MYBPC1: variants seen among roughly 807,000 people sequenced by gnomAD.
MYBPC1 encodes the protein myosin binding protein C1, also known as myosin-binding protein C, slow-type.
A neutral mutation model predicts 147.1 loss-of-function variants in MYBPC1; 52 were observed. That is an observed-to-expected ratio of 0.35 (90% CI 0.28 to 0.45). The LOEUF (loss-of-function observed/expected upper bound fraction) is 0.45. Among genes scored for constraint, MYBPC1 ranks in the 20% least tolerant of loss-of-function variants. MYBPC1 has a pLI of 1.00. For missense variants in MYBPC1, 1,228 were observed against 1,440.3 expected, an observed-to-expected ratio of 0.85 and a Z score of 2.39; for synonymous variants, 477 against 475.9, an observed-to-expected ratio of 1.00 and a Z score of -0.03.
intron 23 of MYBPC1, among the ~76,000 whole-genome samples, chr12:101,668,152 C>CTG (rs1897845334): frequency 6.6e-6 from 1 of 152,182 alleles, no homozygotes; most frequent in African/African-American, 2.4e-5. Context: ...GGAGCCAACT[C>CTG]TGGCTGGGCT....
At chr12:101,627,842 C>T (rs374490121) in intron 5 of MYBPC1, 38 bp downstream of exon 5, 63 of 1,585,878 alleles carry the variant, frequency 4.0e-5, no homozygotes, top group Non-Finnish European at 5.1e-5. Context: ...TGACCTCATC[C>T]TAATACAATC....
intron 18 of MYBPC1, among the ~76,000 whole-genome samples, chr12:101,658,910 T>C (rs1896054084): frequency 6.6e-6 from 1 of 152,188 alleles, no homozygotes; most frequent in Non-Finnish European, 1.5e-5. Context: ...GTTTCTAAAT[T>C]ACTTTGACCT....
intron 1 of MYBPC1, among the ~76,000 whole-genome samples, chr12:101,596,397 G>A (rs1331702948): frequency 1.3e-5 from 2 of 152,204 alleles, no homozygotes; most frequent in Non-Finnish European, 2.9e-5. Context: ...TATTTGTAAT[G>A]CAAATGATTT....
chr12:101,640,438 C>G (rs990086796), intron 10 of MYBPC1, among the ~76,000 whole-genome samples: 2 of 152,138 alleles, frequency 1.3e-5, no homozygotes, highest in Non-Finnish European at 2.9e-5. Flanking sequence ...ACCAATATTC[C>G]AATTTCAGGA....
rs375856378 is a variant in MYBPC1, at chr12:101,680,452, A to G, written c.3356A>G (p.Tyr1119Cys). 58 of 1,614,002 alleles carry G rather than the reference A, an allele frequency of 3.6e-5. No individual in the cohort carries two copies. The highest frequency in any genetic ancestry group is 4.4e-5 in the Non-Finnish European group (52 of 1,179,980). ...CTGGAAATTCGCAAGCCCAGCCCCTATGATGGAGGCACTTACTGCTGCAAA... is the reference window on the plus strand; with the variant it reads ...CTGGAAATTCGCAAGCCCAGCCCCTGTGATGGAGGCACTTACTGCTGCAAA... ...CTLEIRKPSP[Y>C]DGGTYCCKAV... Residue 1119 changes from tyrosine to cysteine, a missense_variant, in exon 29 of 32, where the codon TAT becomes TGT. Coordinates refer to ENST00000361466, the MANE Select transcript of MYBPC1 (RefSeq NM_002465.4).
At chr12:101,595,171 A>T (rs957567745) in intron 1 of MYBPC1, 76 bp downstream of exon 1, 98 of 1,262,894 alleles carry the variant, frequency 7.8e-5, no homozygotes, top group Non-Finnish European at 1.1e-4. Context: ...TCAAACAAAT[A>T]ACAAATATCT....
chr12:101,668,134 T>A (rs181288232), intron 23 of MYBPC1, among the ~76,000 whole-genome samples: 59 of 152,304 alleles, frequency 3.9e-4, no homozygotes. Flanking sequence ...TAACCTCTCC[T>A]GGTTCCAGGA....
chr12:101,616,347 C>T (rs1240912136), intron 2 of MYBPC1, among the ~76,000 whole-genome samples: 1 of 152,134 alleles, frequency 6.6e-6, no homozygotes, highest in Non-Finnish European at 1.5e-5. Context: ...AAACCTTTCC[C>T]TTCTGTTTTT....
At chr12:101,643,806 T>C (rs1050422328) in intron 11 of MYBPC1, among the ~76,000 whole-genome samples, 1 of 152,168 alleles carries the variant, frequency 6.6e-6, no homozygotes, top group African/African-American at 2.4e-5. Context: ...CCTAAACGTA[T>C]GTGCAAGGGG....
chr12:101,634,480 C>T (rs931043691), intron 8 of MYBPC1, 74 bp from the exon 9 acceptor site: 1 of 1,215,406 alleles, frequency 8.2e-7, no homozygotes, highest in Admixed American at 1.7e-5. Context: ...AGAATCCCCA[C>T]AGCCTATAAA....
chr12:101,687,790 C>A (rs1275215676), downstream of MYBPC1, among the ~76,000 whole-genome samples: 6 of 152,200 alleles, frequency 3.9e-5, no homozygotes. Flanking sequence ...GCTAGTTAGG[C>A]TGCTTATACG....
At chr12:101,628,485 T>C (rs1889136822) in intron 5 of MYBPC1, among the ~76,000 whole-genome samples, 2 of 152,170 alleles carry the variant, frequency 1.3e-5, no homozygotes, top group South Asian at 4.1e-4. Context: ...CTACTACAGA[T>C]AGAAATATCA....
At chr12:101,667,613 C>T (rs1004929449) in intron 22 of MYBPC1, 119 bp from the exon 23 acceptor site, 1 of 1,188,686 alleles carries the variant, frequency 8.4e-7, no homozygotes, top group Non-Finnish European at 1.2e-6. Context: ...GTCATAATGT[C>T]TCTAAATGAT....
At chr12:101,659,613 T>TCTA in intron 18 of MYBPC1, 59 bp from the exon 19 acceptor site, 1 of 1,586,130 alleles carries the variant, frequency 6.3e-7, no homozygotes, top group Non-Finnish European at 8.7e-7. Context: ...TATAGGAGAC[T>TCTA]CTGAAGTAGC....
chr12:101,635,688 T>G (rs978276020), intron 9 of MYBPC1, among the ~76,000 whole-genome samples: 1 of 152,184 alleles, frequency 6.6e-6, no homozygotes, highest in Non-Finnish European at 1.5e-5. Context: ...GAAATGTATT[T>G]ACTTCAAAAG....
rs116571127 is a variant in MYBPC1, at chr12:101,603,674, G to A, written c.25+8579G>A. On this transcript the variant is annotated intron_variant, in intron 1 of 31. Coordinates refer to ENST00000361466, the MANE Select transcript of MYBPC1 (RefSeq NM_002465.4). The stretch of plus-strand genomic sequence containing the variant: ...AAGTGATACAAGATCAGGTACAATG[G>A]CTCATGCCTGTAATCCCAGCATTTT... Among the ~76,000 whole-genome samples the A allele has an allele frequency of 6.1e-3, 928 of 152,294 alleles. 13 individuals are homozygous for A. The highest frequency in any genetic ancestry group is 0.021 in the African/African-American group (866 of 41,546).
rs985871322 is a variant in MYBPC1, at chr12:101,614,422, G to T, written c.26-74G>T. 1.1e-5 allele frequency: 17 copies of T among 1,562,942 alleles called. No homozygotes were observed. In the African/African-American group the frequency reaches 2.3e-4, roughly 22 times the overall value. On this transcript the variant is annotated intron_variant, in intron 1 of 31. Coordinates refer to ENST00000361466, the MANE Select transcript of MYBPC1 (RefSeq NM_002465.4). Reference sequence around the variant, plus strand: ...GAGATGGCTGCCTGCAGCAGAAGCTGCCTGGGGCTGTAGAAAGCAGTTCTT... The same window carrying T: ...GAGATGGCTGCCTGCAGCAGAAGCTTCCTGGGGCTGTAGAAAGCAGTTCTT...
chr12:101,631,939 C>A, intron 7 of MYBPC1, 82 bp from the exon 8 acceptor site: 2 of 1,353,566 alleles, frequency 1.5e-6, no homozygotes, highest in Non-Finnish European at 2.1e-6. Flanking sequence ...GGAATTCCCA[C>A]AGACAGACAC....
chr12:101,650,174 AAT>A (rs1268718515), intron 15 of MYBPC1, among the ~76,000 whole-genome samples: 1 of 152,232 alleles, frequency 6.6e-6, no homozygotes, highest in Non-Finnish European at 1.5e-5. Flanking sequence ...CATTTAAAGC[AAT>A]TATAATCCAT....
Sources: gnomAD v4.1 joint callset for allele counts (sites outside exome capture counted in the v4.1 genomes callset) on GRCh38, gnomAD v4.1.1 for gene constraint, MANE v1.5 for transcripts, NCBI Gene and HGNC (gene_info 2026-07-23, HGNC 2026-07-21) for gene names.